ZNF624: variants seen among roughly 807,000 people sequenced by gnomAD.
ZNF624 encodes the protein zinc finger protein 624.
ZNF624 carries 43 observed loss-of-function variants against 74.7 expected under a neutral mutation model. The observed-to-expected ratio is 0.58, with a 90% CI of 0.45 to 0.74. The LOEUF (loss-of-function observed/expected upper bound fraction) is 0.74. ZNF624 is among the 30% of genes least tolerant of loss of function. The pLI is 0.00. For synonymous variants in ZNF624, 331 were observed against 341.3 expected (o/e 0.97, Z 0.33); for missense variants, 820 against 1,030.0 (o/e 0.80, Z 2.79).
At chr17:16,653,364 C>A (rs1317231968) in intron 1 of ZNF624, among the ~76,000 whole-genome samples, 3 of 152,270 alleles carry the variant, frequency 2.0e-5, no homozygotes, top group Non-Finnish European at 4.4e-5. Flanking sequence ...CTCTCCTCTA[C>A]CCACTTCGGG....
chr17:16,624,027 A>C lies in ZNF624; in HGVS notation c.859T>G (p.Tyr287Asp), dbSNP rs1315621222. The C allele has an allele frequency of 1.2e-6, 2 of 1,613,592 alleles. No homozygotes were observed. Residue 287 changes from tyrosine (Y) to aspartate (D), a missense_variant, in exon 6 of 6, where the codon TAT (tyrosine) becomes GAT (aspartate). By Grantham distance (160) the Tyr-to-Asp change is radical (BLOSUM62 -3). Coordinates refer to ENST00000311331, the MANE Select transcript of ZNF624 (RefSeq NM_020787.4). ...KCSTCEKAFH[Y>D]RSLLIQHQRT... is the part of the protein sequence containing the mutation. ...TGATGTTGAATGAGCAATGATCTAT[A>C]ATGAAAGGCCTTTTCGCATGTACTA... is the stretch of plus-strand genomic sequence containing the variant.
chr17:16,644,786 G>GT (rs1485623772), intron 3 of ZNF624, among the ~76,000 whole-genome samples: 1 of 152,184 alleles, frequency 6.6e-6, no homozygotes, highest in African/African-American at 2.4e-5. Flanking sequence ...TTCTGCAGCT[G>GT]TAAAATGTCA....
chr17:16,648,921 A>G (rs1909655797), intron 2 of ZNF624, among the ~76,000 whole-genome samples: 1 of 152,214 alleles, frequency 6.6e-6, no homozygotes, highest in African/African-American at 2.4e-5. Flanking sequence ...CACCTGAACT[A>G]TCTTCATAAA....
intron 2 of ZNF624, 60 bp downstream of exon 2, chr17:16,649,598 G>T: frequency 1.3e-6 from 2 of 1,491,040 alleles, no homozygotes; most frequent in Non-Finnish European, 1.9e-6. Flanking sequence ...AAGCCTTCAG[G>T]CAAAGTAAAC....
At position 16,622,654 on chromosome 17, in the gene ZNF624, T is replaced by A. The variant is rs1908950512; in HGVS notation, c.2232A>T (p.Lys744Asn). 1 of 1,613,968 alleles carries A rather than the reference T, an allele frequency of 6.2e-7. No individual in the cohort carries two copies. The highest frequency in any genetic ancestry group is 8.5e-7 in the Non-Finnish European group (1 of 1,179,972). ...SQMVHVTEHQ[K>N]IHSGEKPYKC... Reference sequence around the variant, plus strand: ...TATAGGGCTTCTCTCCACTATGGATTTTCTGATGTTCTGTGACATGTACCA... The same window carrying A: ...TATAGGGCTTCTCTCCACTATGGATATTCTGATGTTCTGTGACATGTACCA... Residue 744 changes from lysine to asparagine, a missense_variant, in exon 6 of 6, where the codon AAA becomes AAT. Coordinates refer to ENST00000311331, the MANE Select transcript of ZNF624 (RefSeq NM_020787.4).
At chr17:16,645,035 T>C (rs1330709274) in intron 3 of ZNF624, among the ~76,000 whole-genome samples, 3 of 152,276 alleles carry the variant, frequency 2.0e-5, no homozygotes, top group Admixed American at 2.0e-4. Flanking sequence ...AGATCCATTA[T>C]GCAGTCTGGA....
chr17:16,629,748 G>A (rs942040786), intron 5 of ZNF624, among the ~76,000 whole-genome samples: 3 of 152,024 alleles, frequency 2.0e-5, no homozygotes, highest in African/African-American at 4.8e-5. Flanking sequence ...TGTATTTTTA[G>A]TAGAGACGGG....
intron 1 of ZNF624, among the ~76,000 whole-genome samples, chr17:16,650,294 A>C (rs1450648510): frequency 1.3e-5 from 2 of 152,158 alleles, no homozygotes; most frequent in African/African-American, 4.8e-5. Context: ...TAAAGAGAAC[A>C]CTACGACTTC....
In ZNF624 at chr17:16,621,178, A is replaced by G. The variant is rs935086861; in HGVS notation, c.*1110T>C. On this transcript the variant is annotated 3_prime_UTR_variant, in exon 6 of 6. Coordinates refer to ENST00000311331, the MANE Select transcript of ZNF624 (RefSeq NM_020787.4). ...TTTGTTATAAAGCAATTATTTATCA[A>G]TACATTGTGGAAATACATTGAAATC... 2 of 152,248 alleles carry G rather than the reference A, an allele frequency of 1.3e-5. No homozygotes were observed. The highest frequency in any genetic ancestry group is 1.3e-4 in the Admixed American group (2 of 15,286). The allele number at this position is 152,248 out of a possible 1,614,324, so 9.4% of individuals were successfully genotyped here. A position where few individuals can be genotyped will look rare whatever the true frequency, so the allele number is the denominator to read the frequency against.
chr17:16,650,939 C>A (rs1909709280), intron 1 of ZNF624, among the ~76,000 whole-genome samples: 1 of 152,002 alleles, frequency 6.6e-6, no homozygotes, highest in Non-Finnish European at 1.5e-5. Context: ...CAATCAGAAG[C>A]TCATCTGAAA....
intron 4 of ZNF624, 147 bp downstream of exon 4, chr17:16,634,483 T>G: frequency 1.3e-6 from 1 of 765,844 alleles, no homozygotes; most frequent in South Asian, 2.3e-5. Context: ...AATGGGCAGA[T>G]CATGTAGTTA....
downstream of ZNF624, among the ~76,000 whole-genome samples, chr17:16,615,956 C>CATAGAT (rs58603208): frequency 3.3e-5 from 3 of 90,308 alleles, no homozygotes; most frequent in Non-Finnish European, 7.1e-5. Context: ...ATTCCATATA[C>CATAGAT]ATATATATAT....
At chr17:16,627,092 T>G (rs950062496) in intron 5 of ZNF624, among the ~76,000 whole-genome samples, 6 of 152,022 alleles carry the variant, frequency 3.9e-5, no homozygotes, top group African/African-American at 1.4e-4. Context: ...AAAAGCTATA[T>G]AAAACATATC....
rs577713315 is a variant in ZNF624 at position 16,622,134 on chromosome 17, T to C, written c.*154A>G. The C allele has an allele frequency of 1.9e-6, 1 of 523,990 alleles. No individual in the cohort carries two copies. Among genetic ancestry groups the C allele is most frequent in the Non-Finnish European group, 3.1e-6 (1 of 321,592 alleles). 32.5% of individuals were successfully genotyped at this position (523,990 alleles called of 1,614,324 possible). A position where few individuals can be genotyped will look rare whatever the true frequency, so the allele number is the denominator to read the frequency against. ...GAGAGTTTCCTTATAACTTCTAAGA[T>C]TTAATATTATTAAATGATTTCCCAC... On this transcript the variant is annotated 3_prime_UTR_variant, in exon 6 of 6. Transcript: ENST00000311331.
At chr17:16,634,377 C>T (rs1351488622) in intron 4 of ZNF624, among the ~76,000 whole-genome samples, 5 of 152,126 alleles carry the variant, frequency 3.3e-5, no homozygotes, top group Non-Finnish European at 7.3e-5. Flanking sequence ...TGATAACTTC[C>T]ATTTAAGGCA....
chr17:16,637,724 G>A (rs1597495726), intron 3 of ZNF624, among the ~76,000 whole-genome samples: 2 of 152,256 alleles, frequency 1.3e-5, no homozygotes, highest in East Asian at 3.9e-4. Context: ...ATTCAAGATG[G>A]ATTAAAGACT....
In ZNF624 at chr17:16,647,310, G is replaced by A. The variant is rs1909616299; in HGVS notation, c.153+19C>T. On this transcript the variant is annotated intron_variant, in intron 3 of 5. Transcript: ENST00000311331. ...GGCATTTTCTCTGTATTCATTATAT[G>A]TACAACAGTAGGTATTACCTTTACC... 5 of 1,598,818 alleles carry A rather than the reference G, an allele frequency of 3.1e-6. No individual in the cohort carries two copies. The highest frequency in any genetic ancestry group is 1.3e-5 in the African/African-American group (1 of 74,574).
intron 3 of ZNF624, among the ~76,000 whole-genome samples, chr17:16,635,879 G>GA (rs113444286): frequency 0.22 from 25,006 of 115,922 alleles, 2,636 homozygotes; most frequent in East Asian, 0.39. Context: ...CATTTTAAGA[G>GA]AAAAAAAAAA....
intron 1 of ZNF624, among the ~76,000 whole-genome samples, chr17:16,652,684 T>C (rs1418658833): frequency 6.6e-6 from 1 of 152,216 alleles, no homozygotes. Context: ...TACTGAGACC[T>C]CTGAGACCTG....
Sources: allele counts gnomAD v4.1 joint callset (sites outside exome capture counted in the v4.1 genomes callset), GRCh38; gene constraint gnomAD v4.1.1; transcripts MANE v1.5; gene names NCBI Gene and HGNC (gene_info 2026-07-23, HGNC 2026-07-21).